FAT2: variants seen among roughly 807,000 people sequenced by gnomAD.
FAT2 encodes protocadherin Fat 2.
Under a neutral mutation model 295.3 loss-of-function variants are expected in FAT2, and 150 were observed. The ratio of observed to expected loss-of-function variants is 0.51; its 90% CI spans 0.44 to 0.58. FAT2 has a LOEUF of 0.58. Among genes scored for constraint, FAT2 ranks in the 20% least tolerant of loss-of-function variants. The pLI is 0.00. For missense variants in FAT2, 4,868 were observed against 5,442.7 expected, an observed-to-expected ratio of 0.89 and a Z score of 3.32; for synonymous variants, 2,026 against 2,150.3, an observed-to-expected ratio of 0.94 and a Z score of 1.60.
intron 10 of FAT2, among the ~76,000 whole-genome samples, chr5:151,541,330 G>T (rs150679283): frequency 1.6e-3 from 244 of 152,320 alleles, no homozygotes; most frequent in African/African-American, 5.4e-3. Context: ...ACTACTCCAA[G>T]AATTGATAAC....
rs138459865 is a variant in FAT2, at chr5:151,534,970, A to AATATATATATATATATAT, written c.9194-346_9194-329dup. Among the ~76,000 whole-genome samples, 697 of 106,264 alleles carry AATATATATATATATATAT rather than the reference A, an allele frequency of 6.6e-3. 22 individuals are homozygous for AATATATATATATATATAT. The highest frequency in any genetic ancestry group is 0.015 in the African/African-American group (480 of 33,000). 69.7% of individuals were successfully genotyped at this position (106,264 alleles called of 152,430 possible). ...TGGTTCGTAATTCCACTTCTAGGAA[A>AATATATATATATATATAT]ATATATATATATATATATATATATA... On this transcript the variant is annotated intron_variant, in intron 12 of 23. Coordinates refer to ENST00000261800, the MANE Select transcript of FAT2 (RefSeq NM_001447.3).
chr5:151,516,648 T>A (rs1478878465), intron 20 of FAT2, among the ~76,000 whole-genome samples: 1 of 152,234 alleles, frequency 6.6e-6, no homozygotes, highest in Admixed American at 6.5e-5. Flanking sequence ...ATGTTTATTG[T>A]CAGTCTCTCC....
rs1758262097 is a variant in FAT2 at position 151,566,351 on chromosome 5, T to C, written c.2581A>G (p.Ser861Gly). The change falls in exon 2 of 24, where the codon AGT (serine) becomes GGT (glycine). Residue 861 changes from serine to glycine, a missense_variant. Ser to Gly is a moderately conservative substitution (Grantham distance 56). Around this residue, in one of 5 missense-constraint regions of FAT2, gnomAD observed 3,297 missense variants for 3,669.4 expected, o/e 0.90. Coordinates refer to ENST00000261800, the MANE Select transcript of FAT2 (RefSeq NM_001447.3). ...DNGRVRYTLLSPTEKFSLHPL... is the reference protein window; with the variant it reads ...DNGRVRYTLLGPTEKFSLHPL... ...TGGAGGGAGAACTTCTCTGTGGGACTTAGCAGGGTGTAGCGAACCCTGCCA... is the reference window on the plus strand; with the variant it reads ...TGGAGGGAGAACTTCTCTGTGGGACCTAGCAGGGTGTAGCGAACCCTGCCA... The C allele has an allele frequency of 1.2e-6, 2 of 1,614,134 alleles. No homozygotes were observed. Among genetic ancestry groups the C allele is most frequent in the Non-Finnish European group, 1.7e-6 (2 of 1,180,000 alleles).
At chr5:151,537,252 A>G (rs1192327962) in intron 12 of FAT2, among the ~76,000 whole-genome samples, 2 of 148,764 alleles carry the variant, frequency 1.3e-5, no homozygotes. Flanking sequence ...GAAAAAGGAG[A>G]ATAATAAGAA....
At chr5:151,589,505 C>T (rs1476871983) in intron 1 of FAT2, among the ~76,000 whole-genome samples, 3 of 152,192 alleles carry the variant, frequency 2.0e-5, no homozygotes, top group African/African-American at 7.2e-5. Flanking sequence ...CCCTAGTTTG[C>T]CTCTTACAGG....
In FAT2 at chr5:151,543,938, G is replaced by C; in HGVS notation, c.7189C>G (p.Leu2397Val). The change falls in exon 10 of 24, where the codon CTG becomes GTG. Residue 2397 changes from leucine to valine, a missense_variant. Physicochemically the swap from Leu to Val is conservative, Grantham distance 32. Transcript: ENST00000261800. ...TCAATAGCCTGGACTTTAAGAACCA[G>C]GTGTCCACAGGTTGCCAGTTCACTG... ...NVSELATCGHLVLKVQAIDPD... is the reference protein window; with the variant it reads ...NVSELATCGHVVLKVQAIDPD... The C allele has an allele frequency of 6.2e-7, 1 of 1,614,130 alleles. No individual in the cohort carries two copies. Among genetic ancestry groups the C allele is most frequent in the Non-Finnish European group, 8.5e-7 (1 of 1,180,022 alleles).
upstream of FAT2, among the ~76,000 whole-genome samples, chr5:151,591,434 C>T (rs1759402956): frequency 6.6e-6 from 1 of 152,130 alleles, no homozygotes; most frequent in Non-Finnish European, 1.5e-5. Flanking sequence ...GGGAGGAAGC[C>T]AACTGGTTTG....
rs575491457 is a variant in FAT2 at position 151,528,776 on chromosome 5, A to G, written c.10026+402T>C. On this transcript the variant is annotated intron_variant, in intron 15 of 23. Coordinates refer to ENST00000261800, the MANE Select transcript of FAT2 (RefSeq NM_001447.3). The stretch of plus-strand genomic sequence containing the variant: ...AGGGAGTTATTGCATATTTAAATGC[A>G]AAGAGGTATTATTTGGTGTCCCCTC... Among the ~76,000 whole-genome samples the G allele has an allele frequency of 2.6e-5, 4 of 152,236 alleles. No individual in the cohort carries two copies. The East Asian group carries it at 5.8e-4, about 22-fold the overall frequency.
chr5:151,587,219 T>G (rs1231037035), intron 1 of FAT2, among the ~76,000 whole-genome samples: 1 of 152,158 alleles, frequency 6.6e-6, no homozygotes, highest in Non-Finnish European at 1.5e-5. Flanking sequence ...TGATAGGGCT[T>G]CTTTGCACCA....
chr5:151,522,728 G>C (rs1279341065), intron 18 of FAT2, among the ~76,000 whole-genome samples: 1 of 152,230 alleles, frequency 6.6e-6, no homozygotes, highest in Non-Finnish European at 1.5e-5. Flanking sequence ...GGGATGAGAA[G>C]AAGAGGCGAC....
intron 20 of FAT2, among the ~76,000 whole-genome samples, chr5:151,516,906 G>T (rs957625564): frequency 2.0e-5 from 3 of 152,076 alleles, no homozygotes; most frequent in African/African-American, 7.2e-5. Flanking sequence ...AGGAGTTCGA[G>T]ACCAGCCTGG....
At chr5:151,585,439 C>A (rs2127663343) in intron 1 of FAT2, among the ~76,000 whole-genome samples, 1 of 152,300 alleles carries the variant, frequency 6.6e-6, no homozygotes, top group South Asian at 2.1e-4. Flanking sequence ...ATGGTGAAAC[C>A]CCATCTCTGC....
At chr5:151,564,779 T>A (rs1303767892) in intron 2 of FAT2, among the ~76,000 whole-genome samples, 1 of 152,214 alleles carries the variant, frequency 6.6e-6, no homozygotes, top group Non-Finnish European at 1.5e-5. Flanking sequence ...ACTTCATTTT[T>A]AAGAATTTTT....
Position 151,521,974 on chromosome 5 carries a change from A to C in FAT2, c.10619T>G (p.Val3540Gly). The C allele has an allele frequency of 6.2e-7, 1 of 1,614,138 alleles. No individual in the cohort carries two copies. Among genetic ancestry groups the C allele is most frequent in the Non-Finnish European group, 8.5e-7 (1 of 1,179,990 alleles). Residue 3540 changes from valine to glycine, a missense_variant, in exon 19 of 24, where the codon GTT becomes GGT. Physicochemically the swap from Val to Gly is moderately radical, Grantham distance 109. Transcript: ENST00000261800. The stretch of plus-strand genomic sequence containing the variant: ...GCCACCCTGGAACTCATCCTCTCCA[A>C]CAGTGATGAAGATCTCCAGTGGGAG... ...SALPLEIFITVGEDEFQGGMV... is the reference protein window; with the variant it reads ...SALPLEIFITGGEDEFQGGMV...
rs574821566 is a variant in FAT2, at chr5:151,568,825, G to A, written c.107C>T (p.Ser36Phe). Residue 36 changes from serine (S) to phenylalanine (F), a missense_variant, in exon 2 of 24, where the codon TCC becomes TTC. Around this residue, in one of 5 missense-constraint regions of FAT2, gnomAD observed 3,297 missense variants for 3,669.4 expected, o/e 0.90. Transcript: ENST00000261800. ...LSSSAWHFTH[S>F]HYNATIYENS... ...TTCATAGATGGTGGCATTGTAATGG[G>A]AGTGTGTGAAGTGCCAAGCAGAGGA... 2.5e-6 allele frequency: 4 copies of A among 1,613,982 alleles called. No individual in the cohort carries two copies. The Admixed American group carries it at 6.7e-5, about 27-fold the overall frequency.
chr5:151,560,036 T>C (rs58108509), intron 3 of FAT2, among the ~76,000 whole-genome samples: 6,853 of 152,218 alleles, frequency 0.045, 365 homozygotes, highest in African/African-American at 0.13. Context: ...ATATATGACC[T>C]TTCATCTTCC....
At position 151,546,127 on chromosome 5, in the gene FAT2, A is replaced by C. The variant is rs766374941; in HGVS notation, c.5000T>G (p.Val1667Gly). The C allele has an allele frequency of 3.3e-5, 53 of 1,614,068 alleles. 1 individual carries two copies. The South Asian group carries it at 5.6e-4, about 17-fold the overall frequency. Residue 1667 changes from valine to glycine, a missense_variant, in exon 10 of 24, where the codon GTA (valine) becomes GGA (glycine). Coordinates refer to ENST00000261800, the MANE Select transcript of FAT2 (RefSeq NM_001447.3). The part of the protein sequence containing the change: ...APIFSKSEYF[V>G]EIPESIPVGS... ...AACAGGGATTGATTCAGGGATCTCT[A>C]CAAAGTACTCAGATTTTGAAAAGAT...
intron 16 of FAT2, among the ~76,000 whole-genome samples, 178 bp downstream of exon 16, chr5:151,527,818 C>G (rs1373147992): frequency 2.0e-5 from 3 of 152,154 alleles, no homozygotes; most frequent in African/African-American, 7.2e-5. Flanking sequence ...CAGTCCCTCT[C>G]CTGCCTCTGG....
Position 151,542,757 on chromosome 5 carries a change from G to T in FAT2, c.8370C>A (p.Val2790=). ...CCTCAAATACAGGCCTATTGTCATT[G>T]ACGTCTCCCACTTGGATGTTGACAG... ...LVSVNIQVGD[V]NDNRPVFEAD... Residue 2790 remains valine (V), a synonymous_variant, in exon 10 of 24, where the codon GTC becomes GTA. Transcript: ENST00000261800. 1 of 1,614,196 alleles carries T rather than the reference G, an allele frequency of 6.2e-7. No individual in the cohort carries two copies. The highest frequency in any genetic ancestry group is 1.1e-5 in the South Asian group (1 of 91,080).
Sources: gnomAD v4.1 joint callset for allele counts (sites outside exome capture counted in the v4.1 genomes callset) on GRCh38, gnomAD v4.1.1 for gene constraint, gnomAD v4.1.1 regional missense constraint, MANE v1.5 for transcripts, NCBI Gene and HGNC (gene_info 2026-07-23, HGNC 2026-07-21) for gene names.